The following AUTS2 variants were observed in gnomAD, a reference collection of about 807,000 sequenced individuals.
AUTS2 encodes the protein activator of transcription and developmental regulator AUTS2, also known as autism susceptibility gene 2 protein.
Under a neutral mutation model 112.4 loss-of-function variants are expected in AUTS2, and 17 were observed. The ratio of observed to expected loss-of-function variants is 0.15; its 90% confidence interval spans 0.10 to 0.23. The LOEUF is 0.23. Among genes scored for constraint, AUTS2 ranks in the 10% least tolerant of loss-of-function variants. The pLI is 1.00. For missense variants in AUTS2, 1,510 were observed against 1,701.6 expected (o/e 0.89, Z 1.98); for synonymous variants, 751 against 702.7 (o/e 1.07, Z -1.09).
chr7:69,862,908 G>A (rs1482095819), intron 1 of AUTS2, among the ~76,000 whole-genome samples: 8 of 152,148 alleles, frequency 5.3e-5, no homozygotes, highest in Non-Finnish European at 1.2e-4. Context: ...TTTTGGTGCT[G>A]CCAAGCTGAG....
chr7:70,067,615 G>T (rs1270489090), intron 2 of AUTS2, among the ~76,000 whole-genome samples: 1 of 152,184 alleles, frequency 6.6e-6, no homozygotes, highest in East Asian at 1.9e-4. Context: ...GTAGTTCAAG[G>T]TGGGAGCATC....
intron 2 of AUTS2, among the ~76,000 whole-genome samples, chr7:69,946,373 T>C (rs777280102): frequency 7.9e-5 from 12 of 152,104 alleles, no homozygotes; most frequent in Non-Finnish European, 1.6e-4. Flanking sequence ...AAAAATTAAA[T>C]ATAGAACTGC....
At chr7:69,801,006 G>A (rs1187558595) in intron 1 of AUTS2, among the ~76,000 whole-genome samples, 1 of 151,588 alleles carries the variant, frequency 6.6e-6, no homozygotes, top group African/African-American at 2.4e-5. Context: ...TGCTTCTATG[G>A]TCCCCTCATT....
intron 1 of AUTS2, among the ~76,000 whole-genome samples, chr7:69,828,167 T>C (rs866886286): frequency 2.2e-4 from 34 of 152,284 alleles, no homozygotes; most frequent in African/African-American, 7.5e-4. Flanking sequence ...TTCAGGGGGG[T>C]ACATCTTGAT....
intron 4 of AUTS2, among the ~76,000 whole-genome samples, chr7:70,162,445 C>CAAAAAAAA (rs57688959): frequency 3.7e-4 from 21 of 56,700 alleles, no homozygotes; most frequent in Non-Finnish European, 3.6e-4. Flanking sequence ...GACTCCGTCT[C>CAAAAAAAA]AAAAAAAAAA....
intron 1 of AUTS2, among the ~76,000 whole-genome samples, chr7:69,638,781 C>CT (rs1414138349): frequency 1.3e-5 from 2 of 152,176 alleles, no homozygotes; most frequent in East Asian, 3.9e-4. Context: ...TCTCACCTGC[C>CT]TAGAAACAAA....
chr7:69,833,822 G>C (rs746240364), intron 1 of AUTS2, among the ~76,000 whole-genome samples: 1 of 152,156 alleles, frequency 6.6e-6, no homozygotes, highest in Non-Finnish European at 1.5e-5. Context: ...TCCGATAAGT[G>C]TATTACATTC....
intron 4 of AUTS2, among the ~76,000 whole-genome samples, chr7:70,318,154 G>A (rs1283932748): frequency 1.3e-5 from 2 of 152,190 alleles, no homozygotes; most frequent in South Asian, 4.2e-4. Flanking sequence ...TGACAGAATC[G>A]TCAGATGAAC....
intron 1 of AUTS2, among the ~76,000 whole-genome samples, chr7:69,694,411 T>C (rs1403344137): frequency 6.6e-6 from 1 of 152,128 alleles, no homozygotes; most frequent in East Asian, 1.9e-4. Flanking sequence ...TGCCCAGCCA[T>C]GTTTGGGGAA....
chr7:69,936,911 C>T (rs1796435782), intron 2 of AUTS2, among the ~76,000 whole-genome samples: 1 of 152,004 alleles, frequency 6.6e-6, no homozygotes, highest in Non-Finnish European at 1.5e-5. Flanking sequence ...TCCGTCGTTC[C>T]TCCCTCTCTT....
intron 4 of AUTS2, among the ~76,000 whole-genome samples, chr7:70,397,056 A>G (rs1794117613): frequency 6.8e-6 from 1 of 146,974 alleles, no homozygotes; most frequent in South Asian, 2.1e-4. Flanking sequence ...CATTTTAGCC[A>G]TTCTTTTATT....
chr7:70,387,051 TC>T (rs2129633803), intron 4 of AUTS2, among the ~76,000 whole-genome samples: 1 of 152,312 alleles, frequency 6.6e-6, no homozygotes, highest in African/African-American at 2.4e-5. Flanking sequence ...TCATTTTCTT[TC>T]TTCAACCTAC....
chr7:70,352,700 T>C (rs1423132622), intron 4 of AUTS2, among the ~76,000 whole-genome samples: 1 of 151,984 alleles, frequency 6.6e-6, no homozygotes, highest in African/African-American at 2.4e-5. Flanking sequence ...AAGAAACAAA[T>C]GAGATAAGCA....
At chr7:70,443,481 C>G (rs1796200688) in intron 5 of AUTS2, among the ~76,000 whole-genome samples, 1 of 152,192 alleles carries the variant, frequency 6.6e-6, no homozygotes, top group African/African-American at 2.4e-5. Context: ...TGGCAGAACC[C>G]AGAGGGAAAT....
chr7:70,166,789 AT>A (rs1808406004), intron 4 of AUTS2, among the ~76,000 whole-genome samples: 1 of 152,230 alleles, frequency 6.6e-6, no homozygotes, highest in Non-Finnish European at 1.5e-5. Flanking sequence ...TACACTAAAT[AT>A]AATTGGTCAG....
chr7:70,730,134 G>A (rs1464484156), intron 6 of AUTS2, among the ~76,000 whole-genome samples: 3 of 152,082 alleles, frequency 2.0e-5, no homozygotes, highest in South Asian at 2.1e-4. Context: ...CGCCTACCTC[G>A]GCCTCCCAAA....
chr7:70,788,664 A>G (rs565130296), intron 18 of AUTS2, among the ~76,000 whole-genome samples: 3 of 152,240 alleles, frequency 2.0e-5, no homozygotes, highest in Non-Finnish European at 4.4e-5. Flanking sequence ...AGGAAGCTTA[A>G]TAAATAAAAT....
chr7:70,678,981 TGAGGAAA>T (rs1472001804), intron 5 of AUTS2, among the ~76,000 whole-genome samples: 1 of 152,088 alleles, frequency 6.6e-6, no homozygotes, highest in African/African-American at 2.4e-5. Context: ...TTGGCAACCA[TGAGGAAA>T]GCTGGGAGAG....
chr7:70,030,597 A>G (rs765915227), intron 2 of AUTS2, among the ~76,000 whole-genome samples: 2 of 152,130 alleles, frequency 1.3e-5, no homozygotes, highest in African/African-American at 4.8e-5. Context: ...GGAGAAACCA[A>G]TTAGACAAGG....
Sources: allele counts gnomAD v4.1 joint callset (sites outside exome capture counted in the v4.1 genomes callset), GRCh38; gene constraint gnomAD v4.1.1; transcripts MANE v1.5; gene names NCBI Gene and HGNC (gene_info 2026-07-23, HGNC 2026-07-21).